PIP5K1C: variants seen among roughly 807,000 people sequenced by gnomAD.
The protein encoded by PIP5K1C is phosphatidylinositol 4-phosphate 5-kinase type-1 gamma.
A neutral mutation model predicts 80.1 loss-of-function variants in PIP5K1C; 45 were observed. That is an observed-to-expected ratio of 0.56 (90% CI 0.44 to 0.72). The LOEUF (loss-of-function observed/expected upper bound fraction) is 0.72, where lower values mean the gene tolerates loss of function less well. PIP5K1C is among the 30% of genes least tolerant of loss of function. PIP5K1C has a pLI of 0.00. For synonymous variants in PIP5K1C, 498 were observed against 420.1 expected, an observed-to-expected ratio of 1.19 and a Z score of -2.27; for missense variants, 753 against 954.6, an observed-to-expected ratio of 0.79 and a Z score of 2.78.
At chr19:3,671,689 G>A (rs941012783) in intron 1 of PIP5K1C, among the ~76,000 whole-genome samples, 1 of 152,204 alleles carries the variant, frequency 6.6e-6, no homozygotes, top group African/African-American at 2.4e-5. Context: ...AGAGCCGAGT[G>A]TCCTGTGGAG....
At chr19:3,660,913 C>A (rs866762749) in intron 5 of PIP5K1C, 53 bp downstream of exon 5, 8 of 1,441,560 alleles carry the variant, frequency 5.5e-6, no homozygotes, top group Non-Finnish European at 7.8e-6. Flanking sequence ...CCTCCGAGAC[C>A]CTGAACATGT....
chr19:3,662,642 T>A (rs1360011766), intron 3 of PIP5K1C, among the ~76,000 whole-genome samples: 1 of 152,144 alleles, frequency 6.6e-6, no homozygotes, highest in African/African-American at 2.4e-5. Context: ...CTCAGCTCAC[T>A]GCAACCTCCA....
In PIP5K1C at chr19:3,700,392, G is replaced by A; in HGVS notation, c.-2C>T. On this transcript the variant is annotated 5_prime_UTR_variant, in exon 1 of 18. Coordinates refer to ENST00000335312, the MANE Select transcript of PIP5K1C (RefSeq NM_012398.3). ...CTCGTCCGGTACCTCCAGCTCCATG[G>A]CCGCGCGCGGACGGCGGCGGGGGCG... The A allele has an allele frequency of 8.8e-7, 1 of 1,141,886 alleles. No individual in the cohort carries two copies. Among genetic ancestry groups the A allele is most frequent in the Admixed American group, 4.3e-5 (1 of 23,280 alleles). The allele number at this position is 1,141,886 out of a possible 1,614,324, so 70.7% of individuals were successfully genotyped here.
intron 10 of PIP5K1C, among the ~76,000 whole-genome samples, chr19:3,646,885 G>A (rs1177785570): frequency 6.6e-6 from 1 of 152,048 alleles, no homozygotes; most frequent in African/African-American, 2.4e-5. Flanking sequence ...GGAAGGCTGG[G>A]ACGACAGACA....
At chr19:3,685,916 C>T (rs1015012999) in intron 1 of PIP5K1C, among the ~76,000 whole-genome samples, 3 of 152,052 alleles carry the variant, frequency 2.0e-5, no homozygotes, top group Middle Eastern at 3.4e-3. Flanking sequence ...CAGGCTGGAA[C>T]ACAGTGGTGC....
At chr19:3,640,420 G>A (rs527398879) in intron 15 of PIP5K1C, among the ~76,000 whole-genome samples, 32 of 152,160 alleles carry the variant, frequency 2.1e-4, no homozygotes, top group African/African-American at 7.7e-4. Context: ...GGAGGCTGAG[G>A]CAAGAGAATC....
At chr19:3,655,116 A>AT (rs2034577069) in intron 6 of PIP5K1C, among the ~76,000 whole-genome samples, 2 of 148,678 alleles carry the variant, frequency 1.3e-5, no homozygotes, top group African/African-American at 2.5e-5. Flanking sequence ...TCAAAAAAAA[A>AT]AAAAAAAAAA....
At chr19:3,656,087 G>T (rs1470888247) in intron 6 of PIP5K1C, among the ~76,000 whole-genome samples, 2 of 152,240 alleles carry the variant, frequency 1.3e-5, no homozygotes, top group African/African-American at 4.8e-5. Flanking sequence ...GCAGGCTGCT[G>T]GTTCTGGGGC....
At chr19:3,677,753 AGGG>A (rs2035409249) in intron 1 of PIP5K1C, among the ~76,000 whole-genome samples, 1 of 81,520 alleles carries the variant, frequency 1.2e-5, no homozygotes, top group Non-Finnish European at 2.5e-5. Context: ...GGATGGAGGG[AGGG>A]ATGGAGGATG....
At chr19:3,679,294 C>A (rs567494435) in intron 1 of PIP5K1C, among the ~76,000 whole-genome samples, 2 of 152,092 alleles carry the variant, frequency 1.3e-5, no homozygotes, top group African/African-American at 4.8e-5. Flanking sequence ...AGGCTCCCCA[C>A]CCAGCACCAC....
At chr19:3,645,101 G>A (rs1157057481) in intron 11 of PIP5K1C, among the ~76,000 whole-genome samples, 2 of 152,226 alleles carry the variant, frequency 1.3e-5, no homozygotes, top group African/African-American at 2.4e-5. Flanking sequence ...CCTCGAGGCC[G>A]TGAGCAAGTG....
At chr19:3,636,950 G>A (rs2033712270) in intron 16 of PIP5K1C, 2 of 1,013,702 alleles carry the variant, frequency 2.0e-6, no homozygotes, top group African/African-American at 1.7e-5. Flanking sequence ...GGACCTCCTT[G>A]AGAGCTTGGG....
At chr19:3,643,109 AGTGT>A (rs1275600634) in intron 13 of PIP5K1C, 130 bp downstream of exon 13, 47 of 1,481,332 alleles carry the variant, frequency 3.2e-5, no homozygotes, top group Non-Finnish European at 4.3e-5. Context: ...ACCCACATGC[AGTGT>A]ATGTACATCC....
At chr19:3,692,000 T>C (rs910965136) in intron 1 of PIP5K1C, among the ~76,000 whole-genome samples, 8 of 152,092 alleles carry the variant, frequency 5.3e-5, no homozygotes, top group Admixed American at 5.2e-4. Context: ...GCCCCGCCCA[T>C]GTCAGCGCAT....
intron 1 of PIP5K1C, among the ~76,000 whole-genome samples, chr19:3,686,042 G>A (rs2035749628): frequency 1.3e-5 from 2 of 151,814 alleles, no homozygotes; most frequent in Non-Finnish European, 2.9e-5. Context: ...TTCAGAAACG[G>A]GGGTCTCGCG....
rs1001935268 is a variant in PIP5K1C at position 3,692,997 on chromosome 19, G to A, written c.94+7300C>T. Among the ~76,000 whole-genome samples, 3 of 151,618 alleles carry A rather than the reference G, an allele frequency of 2.0e-5. No homozygotes were observed. The highest frequency in any genetic ancestry group is 1.3e-4 in the Admixed American group (2 of 15,224). ...AGTCCCCAGCCTTGAGGGCACCTCC[G>A]CCGCCACTCTCTCCCCTCCTCTGCT... On this transcript the variant is annotated intron_variant, in intron 1 of 17. Transcript: ENST00000335312. This position sits in a 1 kb window ranked among gnomAD's most constrained non-coding sequence, Gnocchi z 5.2.
In PIP5K1C at chr19:3,648,622, C is replaced by T; in HGVS notation, c.1211+3G>A. 6.2e-7 allele frequency: 1 copy of T among 1,612,338 alleles called. No individual in the cohort carries two copies. Among genetic ancestry groups the T allele is most frequent in the Non-Finnish European group, 8.5e-7 (1 of 1,179,304 alleles). The stretch of plus-strand genomic sequence containing the variant: ...CTGTAGGACTGCAGACCCGGGCACC[C>T]ACCTGTAGGACTGCAGGATGTCGAT... On this transcript the variant is annotated splice_donor_region_variant and intron_variant, in intron 9 of 17. Transcript: ENST00000335312. The surrounding 1 kb of genome is among the most constrained non-coding windows in gnomAD (Gnocchi z 4.3).
At chr19:3,697,262 G>C (rs1236146926) in intron 1 of PIP5K1C, among the ~76,000 whole-genome samples, 3 of 149,576 alleles carry the variant, frequency 2.0e-5, no homozygotes, top group East Asian at 2.0e-4. Flanking sequence ...GACCGAGCCA[G>C]ATGGAGGAGG....
intron 4 of PIP5K1C, among the ~76,000 whole-genome samples, chr19:3,661,430 G>A (rs1030038574): frequency 6.6e-6 from 1 of 152,244 alleles, no homozygotes; most frequent in African/African-American, 2.4e-5. Context: ...TGTCCGAAAG[G>A]GAAGGGCTGT....
Sources: gnomAD v4.1 joint callset for allele counts (sites outside exome capture counted in the v4.1 genomes callset) on GRCh38, gnomAD v4.1.1 for gene constraint, Gnocchi (gnomAD v3.1) non-coding constraint, MANE v1.5 for transcripts, NCBI Gene and HGNC (gene_info 2026-07-23, HGNC 2026-07-21) for gene names.